The following FREM2 variants were observed in gnomAD, a reference collection of about 807,000 sequenced individuals.
FREM2 encodes FRAS1 related extracellular matrix 2, also known as FRAS1-related extracellular matrix protein 2.
A neutral mutation model predicts 219.9 loss-of-function variants in FREM2; 119 were observed. The observed-to-expected ratio is 0.54, with a 90% CI of 0.47 to 0.63. FREM2 has a LOEUF of 0.63. Ranked by LOEUF, FREM2 falls within the 30% of genes least tolerant of loss-of-function variation. The pLI is 0.00. For missense variants in FREM2, 4,030 were observed against 3,993.6 expected (o/e 1.01, Z -0.25); for synonymous variants, 1,562 against 1,522.8 (o/e 1.03, Z -0.60).
intron 3 of FREM2, among the ~76,000 whole-genome samples, chr13:38,768,630 C>T (rs1208749615): frequency 1.3e-5 from 2 of 152,114 alleles, no homozygotes; most frequent in Non-Finnish European, 2.9e-5. Context: ...TCTGAAAATG[C>T]TCAGGTTTAG....
intron 2 of FREM2, among the ~76,000 whole-genome samples, chr13:38,723,098 G>T (rs1028496803): frequency 6.6e-6 from 1 of 151,970 alleles, no homozygotes; most frequent in African/African-American, 2.4e-5. Context: ...AGCTGCATGT[G>T]GTGGTGCCCA....
chr13:38,819,232 A>G (rs1476144272), intron 6 of FREM2, among the ~76,000 whole-genome samples: 12 of 152,046 alleles, frequency 7.9e-5, no homozygotes, highest in Admixed American at 7.9e-4. Context: ...AACTGTTGAT[A>G]CAATGCACTG....
chr13:38,837,481 G>A (rs1876758050), intron 6 of FREM2, among the ~76,000 whole-genome samples: 1 of 152,124 alleles, frequency 6.6e-6, no homozygotes, highest in Non-Finnish European at 1.5e-5. Context: ...CTGAGTTCAA[G>A]TCCTGAATAT....
intron 6 of FREM2, among the ~76,000 whole-genome samples, chr13:38,812,323 C>A (rs1346666334): frequency 6.6e-6 from 1 of 152,092 alleles, no homozygotes; most frequent in Non-Finnish European, 1.5e-5. Flanking sequence ...TAGGGACTTA[C>A]TCCTGCCATT....
chr13:38,875,315 T>G (rs1878305548), intron 18 of FREM2, among the ~76,000 whole-genome samples: 1 of 152,112 alleles, frequency 6.6e-6, no homozygotes, highest in African/African-American at 2.4e-5. Flanking sequence ...CTCAACATCT[T>G]TATAGCTTTT....
At chr13:38,700,771 A>G (rs991758808) in intron 2 of FREM2, among the ~76,000 whole-genome samples, 3 of 152,026 alleles carry the variant, frequency 2.0e-5, no homozygotes, top group Non-Finnish European at 2.9e-5. Flanking sequence ...TATTCAGGAT[A>G]GGGATAAGAG....
intron 6 of FREM2, among the ~76,000 whole-genome samples, chr13:38,795,979 C>CTTTCTTTCTTTCTTTCTTT (rs758379925): frequency 6.6e-6 from 1 of 151,866 alleles, no homozygotes; most frequent in Non-Finnish European, 1.5e-5. Flanking sequence ...CGATAGTTTT[C>CTTTCTTTCTTTCTTTCTTT]TTTCTTTCTT....
At chr13:38,773,410 A>G (rs1873747932) in intron 4 of FREM2, among the ~76,000 whole-genome samples, 1 of 150,940 alleles carries the variant, frequency 6.6e-6, no homozygotes, top group Non-Finnish European at 1.5e-5. Flanking sequence ...TTTTTTTTCG[A>G]GACGGTATCT....
At chr13:38,768,738 T>G (rs890663493) in intron 3 of FREM2, among the ~76,000 whole-genome samples, 3 of 152,228 alleles carry the variant, frequency 2.0e-5, no homozygotes, top group Admixed American at 6.5e-5. Context: ...TGCCGTTTTA[T>G]AATTTTTCTA....
intron 6 of FREM2, among the ~76,000 whole-genome samples, chr13:38,823,071 C>T (rs1356302739): frequency 6.6e-6 from 1 of 152,078 alleles, no homozygotes. Flanking sequence ...AGTCCTTGCC[C>T]TACCCTGTTT....
chr13:38,774,994 G>A (rs1439492217), intron 4 of FREM2, among the ~76,000 whole-genome samples: 3 of 152,060 alleles, frequency 2.0e-5, no homozygotes, highest in African/African-American at 7.2e-5. Context: ...ATTTCTGGTG[G>A]GCCCATGGCA....
chr13:38,823,333 A>G (rs551731806), intron 6 of FREM2, among the ~76,000 whole-genome samples: 27 of 151,818 alleles, frequency 1.8e-4, no homozygotes, highest in Middle Eastern at 3.2e-3. Context: ...CCACCAGACC[A>G]TTCATCCTCC....
chr13:38,856,918 T>G (rs1427621420), intron 12 of FREM2, among the ~76,000 whole-genome samples: 1 of 152,148 alleles, frequency 6.6e-6, no homozygotes, highest in Non-Finnish European at 1.5e-5. Context: ...GTATTACTTT[T>G]TTTTATTTGT....
intron 2 of FREM2, among the ~76,000 whole-genome samples, chr13:38,751,889 TG>T (rs1340222928): frequency 6.0e-4 from 91 of 150,924 alleles, no homozygotes; most frequent in African/African-American, 2.1e-3. Context: ...TGTGTGTGTG[TG>T]TGTGTGTTTT....
At chr13:38,772,732 C>A (rs373544689) in intron 4 of FREM2, among the ~76,000 whole-genome samples, 1 of 150,816 alleles carries the variant, frequency 6.6e-6, no homozygotes, top group Non-Finnish European at 1.5e-5. Flanking sequence ...GTTTCGCTCT[C>A]GCTGCCCAGG....
rs1191477789 is a variant in FREM2 at position 38,880,439 on chromosome 13, G to A, written c.9162G>A (p.Glu3054=). The change falls in exon 24 of 24, where the codon GAG becomes GAA. Residue 3054 remains glutamate, a synonymous_variant. Transcript: ENST00000280481. Reference sequence around the variant, plus strand: ...CCACCAAGAGCCGGAAGAAGAGAGAGATCAGGAGCACACCCTCACTGGCAT... The same window carrying A: ...CCACCAAGAGCCGGAAGAAGAGAGAAATCAGGAGCACACCCTCACTGGCAT... ...QSTTKSRKKR[E]IRSTPSLAWE... 2.5e-6 allele frequency: 4 copies of A among 1,613,992 alleles called. No individual in the cohort carries two copies. In the African/African-American group the frequency reaches 5.3e-5, roughly 22 times the overall value.
intron 6 of FREM2, among the ~76,000 whole-genome samples, chr13:38,836,577 G>T (rs1411345344): frequency 6.6e-6 from 1 of 152,036 alleles, no homozygotes; most frequent in African/African-American, 2.4e-5. Flanking sequence ...CTGGCCCTGG[G>T]CTTCTTTTGG....
In FREM2 at chr13:38,690,733, G is replaced by A. The variant is rs1453406056; in HGVS notation, c.3389G>A (p.Gly1130Glu). 1.9e-6 allele frequency: 3 copies of A among 1,614,076 alleles called. No homozygotes were observed. The East Asian group carries it at 6.7e-5, about 36-fold the overall frequency. The change falls in exon 1 of 24, where the codon GGG (glycine) becomes GAG (glutamate). Residue 1130 changes from glycine to glutamate, a missense_variant. Gly to Glu is a moderately conservative substitution (Grantham distance 98). Transcript: ENST00000280481. ...CCAGGCTCTGAGAAATCAAGAGCAG[G>A]GATTGCCATAAGTGCTTTCAACTTG... ...PAPGSEKSRAGIAISAFNLKD... is the reference protein window; with the variant it reads ...PAPGSEKSRAEIAISAFNLKD...
At chr13:38,837,243 G>T (rs542330899) in intron 6 of FREM2, among the ~76,000 whole-genome samples, 5 of 152,202 alleles carry the variant, frequency 3.3e-5, no homozygotes, top group African/African-American at 1.2e-4. Context: ...CCACGTAGTG[G>T]TGTAGTTTTG....
Sources: allele counts gnomAD v4.1 joint callset (sites outside exome capture counted in the v4.1 genomes callset), GRCh38; gene constraint gnomAD v4.1.1; transcripts MANE v1.5; gene names NCBI Gene and HGNC (gene_info 2026-07-23, HGNC 2026-07-21).